Variants in MRTFA observed in about 807,000 individuals in gnomAD.
MRTFA encodes myocardin-related transcription factor A.
MRTFA carries 20 observed loss-of-function variants against 83.5 expected under a neutral mutation model. That is an observed-to-expected ratio of 0.24 (90% confidence interval 0.17 to 0.35). The LOEUF (loss-of-function observed/expected upper bound fraction) is 0.35, where lower values mean the gene tolerates loss of function less well. Ranked by LOEUF, MRTFA falls within the 10% of genes least tolerant of loss-of-function variation. The probability of loss-of-function intolerance (pLI) is 1.00; values close to 1 mark genes in which losing one functional copy is unlikely to be tolerated. For synonymous variants in MRTFA, 659 were observed against 541.2 expected, an observed-to-expected ratio of 1.22 and a Z score of -3.02; for missense variants, 1,200 against 1,224.7, an observed-to-expected ratio of 0.98 and a Z score of 0.30.
chr22:40,577,211 G>A, intron 2 of MRTFA, among the ~76,000 whole-genome samples: 1 of 131,426 alleles, frequency 7.6e-6, no homozygotes, highest in Non-Finnish European at 1.6e-5. Flanking sequence ...ACTCCTGCCT[G>A]AGTAACAGAG....
chr22:40,480,852 G>A (rs545429489), intron 3 of MRTFA, among the ~76,000 whole-genome samples: 3 of 150,408 alleles, frequency 2.0e-5, no homozygotes, highest in Admixed American at 6.7e-5. Context: ...GGGTTCAAGC[G>A]ATTCTCCTTC....
At chr22:40,463,322 T>A in intron 3 of MRTFA, 36 bp from the exon 4 acceptor site, 3 of 1,561,308 alleles carry the variant, frequency 1.9e-6, no homozygotes, top group Non-Finnish European at 2.6e-6. Context: ...AGATGAGGGG[T>A]CAGTTGGGTA....
chr22:40,486,994 G>A (rs928096485), intron 3 of MRTFA, among the ~76,000 whole-genome samples: 3 of 152,284 alleles, frequency 2.0e-5, no homozygotes, highest in Middle Eastern at 3.4e-3. Context: ...AAACAAAAGA[G>A]AAGGGTAGCA....
At chr22:40,590,196 T>C (rs751704744) in intron 2 of MRTFA, among the ~76,000 whole-genome samples, 115 of 152,170 alleles carry the variant, frequency 7.6e-4, no homozygotes, top group Non-Finnish European at 1.4e-3. Flanking sequence ...GACAACTACA[T>C]GGCACTTCTG....
intron 4 of MRTFA, among the ~76,000 whole-genome samples, chr22:40,456,408 C>G (rs1602271528): frequency 6.6e-6 from 1 of 152,306 alleles, no homozygotes; most frequent in South Asian, 2.1e-4. Context: ...TAAACTTAGG[C>G]CAGTTGCAGT....
chr22:40,525,226 CAGAG>C lies in MRTFA; in HGVS notation c.241+26876_241+26879del, dbSNP rs527583585. 1.3e-4 allele frequency among the ~76,000 whole-genome samples: 20 copies of C among 152,298 alleles called. No individual in the cohort carries two copies. The South Asian group carries it at 4.1e-3, about 32-fold the overall frequency. ...ATGTCCCCTATGAAATCTCACTACTCAGAGAAAGTTATTCATATTCTGGTGTATA... is the reference window on the plus strand; with the variant it reads ...ATGTCCCCTATGAAATCTCACTACTCAAAGTTATTCATATTCTGGTGTATA... On this transcript the variant is annotated intron_variant, in intron 3 of 14. Transcript: ENST00000355630.
At chr22:40,530,549 G>A (rs1041485038) in intron 3 of MRTFA, among the ~76,000 whole-genome samples, 5 of 152,326 alleles carry the variant, frequency 3.3e-5, no homozygotes, top group East Asian at 1.9e-4. Flanking sequence ...CACCTGCCTC[G>A]GCTTCCTAAA....
At chr22:40,412,117 C>T (rs1475325389) in intron 14 of MRTFA, 3 of 409,112 alleles carry the variant, frequency 7.3e-6, no homozygotes, top group Non-Finnish European at 8.3e-6. Flanking sequence ...CCGGAATACA[C>T]AGAGAACTTC....
At chr22:40,599,878 G>A (rs1255591856) in intron 1 of MRTFA, among the ~76,000 whole-genome samples, 1 of 150,644 alleles carries the variant, frequency 6.6e-6, no homozygotes, top group Non-Finnish European at 1.5e-5. Flanking sequence ...CAGCCTGAGC[G>A]ACAGAGTGAG....
At chr22:40,497,129 T>C (rs1444305296) in intron 3 of MRTFA, among the ~76,000 whole-genome samples, 1 of 152,210 alleles carries the variant, frequency 6.6e-6, no homozygotes, top group African/African-American at 2.4e-5. Context: ...TAACTATTTA[T>C]ACAATCCCTC....
intron 14 of MRTFA, chr22:40,412,710 C>T (rs1287044805): frequency 6.6e-6 from 1 of 152,004 alleles, no homozygotes; most frequent in Non-Finnish European, 1.5e-5. Context: ...GCGGAAGGGC[C>T]AAATGGGAAG....
intron 3 of MRTFA, among the ~76,000 whole-genome samples, chr22:40,527,458 T>C (rs980690632): frequency 1.3e-5 from 2 of 151,886 alleles, no homozygotes; most frequent in Non-Finnish European, 2.9e-5. Flanking sequence ...AAAATCTTTT[T>C]AAAAAATAAT....
At chr22:40,449,522 T>C (rs2053448167) in intron 4 of MRTFA, among the ~76,000 whole-genome samples, 1 of 152,216 alleles carries the variant, frequency 6.6e-6, no homozygotes, top group Non-Finnish European at 1.5e-5. Context: ...TGCAGATTCC[T>C]AGGCCTTAAG....
At chr22:40,460,040 T>C (rs2053683260) in intron 4 of MRTFA, among the ~76,000 whole-genome samples, 1 of 151,398 alleles carries the variant, frequency 6.6e-6, no homozygotes, top group African/African-American at 2.4e-5. Flanking sequence ...CCTCCCAGGT[T>C]CAAGCAATAC....
chr22:40,519,271 C>T (rs1374665979), intron 3 of MRTFA, among the ~76,000 whole-genome samples: 3 of 152,160 alleles, frequency 2.0e-5, no homozygotes, highest in Admixed American at 6.5e-5. Flanking sequence ...AGGATGGGTA[C>T]ATGGCGTAGA....
intron 2 of MRTFA, among the ~76,000 whole-genome samples, chr22:40,585,328 G>A (rs919751405): frequency 1.3e-5 from 2 of 152,148 alleles, no homozygotes; most frequent in African/African-American, 4.8e-5. Flanking sequence ...TATATATGCT[G>A]TATGATTCCA....
At chr22:40,559,650 C>T (rs927157986) in intron 2 of MRTFA, among the ~76,000 whole-genome samples, 2 of 151,984 alleles carry the variant, frequency 1.3e-5, no homozygotes, top group African/African-American at 4.8e-5. Context: ...CAAGCGATCG[C>T]CCTACACTGG....
chr22:40,603,217 G>A (rs80270068), intron 1 of MRTFA, among the ~76,000 whole-genome samples: 1,604 of 152,240 alleles, frequency 0.011, 13 homozygotes, highest in Non-Finnish European at 0.018. Flanking sequence ...TGACACTTCA[G>A]CTCTTCATTT....
At chr22:40,503,535 T>C (rs2054531793) in intron 3 of MRTFA, among the ~76,000 whole-genome samples, 1 of 152,086 alleles carries the variant, frequency 6.6e-6, no homozygotes, top group Non-Finnish European at 1.5e-5. Context: ...TAGAGTGGAG[T>C]GTCCTTTATC....
Sources: gnomAD v4.1 joint callset for allele counts (sites outside exome capture counted in the v4.1 genomes callset) on GRCh38, gnomAD v4.1.1 for gene constraint, MANE v1.5 for transcripts, NCBI Gene and HGNC (gene_info 2026-07-23, HGNC 2026-07-21) for gene names.